Variants in PRKG1 observed in about 807,000 individuals in gnomAD.
The protein encoded by PRKG1 is cGMP-dependent protein kinase 1.
PRKG1 carries 35 observed loss-of-function variants against 88.1 expected under a neutral mutation model. The observed-to-expected ratio is 0.40, with a 90% CI of 0.30 to 0.53. The LOEUF (loss-of-function observed/expected upper bound fraction) is 0.53, where lower values mean the gene tolerates loss of function less well. PRKG1 is among the 20% of genes least tolerant of loss of function. PRKG1 has a pLI of 0.59. For synonymous variants in PRKG1, 303 were observed against 292.5 expected (o/e 1.04, Z -0.37); for missense variants, 540 against 839.8 (o/e 0.64, Z 4.41).
At chr10:51,407,113 G>A (rs1274037738) in intron 2 of PRKG1, among the ~76,000 whole-genome samples, 1 of 152,022 alleles carries the variant, frequency 6.6e-6, no homozygotes, top group African/African-American at 2.4e-5. Context: ...GGCCTCCCTT[G>A]CCCAGCCCAT....
At chr10:51,119,957 G>A (rs1172854748) in intron 1 of PRKG1, among the ~76,000 whole-genome samples, 6 of 152,202 alleles carry the variant, frequency 3.9e-5, no homozygotes, top group Non-Finnish European at 7.4e-5. Flanking sequence ...GGACATGAAA[G>A]TTTACAAATG....
At chr10:51,922,650 G>A (rs957462165) in intron 5 of PRKG1, among the ~76,000 whole-genome samples, 2 of 151,684 alleles carry the variant, frequency 1.3e-5, no homozygotes, top group African/African-American at 4.8e-5. Context: ...GTTCTTCTTT[G>A]AGCCATATGT....
rs1007028780 is a variant in PRKG1 at position 51,467,427 on chromosome 10, T to C, written c.479-296T>C. 1.1e-4 allele frequency among the ~76,000 whole-genome samples: 17 copies of C among 152,046 alleles called. 1 individual carries two copies. Among genetic ancestry groups the C allele is most frequent in the African/African-American group, 4.1e-4 (17 of 41,450 alleles). ...AAAATTACGTTAAAATTGGAATTAC[T>C]GTGGTTTACTAATAACAGATTTGGA... On this transcript the variant is annotated intron_variant, in intron 2 of 17. Coordinates refer to ENST00000373980, the MANE Select transcript of PRKG1 (RefSeq NM_006258.4).
At chr10:51,620,299 G>A (rs10998518) in intron 3 of PRKG1, among the ~76,000 whole-genome samples, 4,555 of 152,096 alleles carry the variant, frequency 0.03, 104 homozygotes, top group South Asian at 0.072. Flanking sequence ...TACCTAGAAT[G>A]GCTTTGAAGA....
intron 2 of PRKG1, among the ~76,000 whole-genome samples, chr10:51,459,639 G>A (rs1217371169): frequency 6.6e-6 from 1 of 152,102 alleles, no homozygotes; most frequent in African/African-American, 2.4e-5. Context: ...ATGTAGTGAG[G>A]TAATCCATGC....
At chr10:51,727,300 A>ATATTTT (rs1554835916) in intron 3 of PRKG1, among the ~76,000 whole-genome samples, 7 of 144,828 alleles carry the variant, frequency 4.8e-5, no homozygotes, top group African/African-American at 1.8e-4. Flanking sequence ...ATATATATAT[A>ATATTTT]TTTTTTTTAC....
intron 2 of PRKG1, among the ~76,000 whole-genome samples, chr10:51,292,853 AT>A (rs1362393851): frequency 1.3e-5 from 2 of 152,118 alleles, no homozygotes; most frequent in Admixed American, 1.3e-4. Context: ...TCTGAGACTT[AT>A]TATGGTTTAC....
intron 1 of PRKG1, among the ~76,000 whole-genome samples, chr10:51,120,729 T>G (rs73333876): frequency 0.041 from 6,261 of 152,246 alleles, 147 homozygotes; most frequent in Middle Eastern, 0.058. Context: ...ACACTACACA[T>G]GTATTAAGTG....
At chr10:52,274,570 C>T (rs1841821940) in intron 12 of PRKG1, among the ~76,000 whole-genome samples, 1 of 151,038 alleles carries the variant, frequency 6.6e-6, no homozygotes, top group Non-Finnish European at 1.5e-5. Context: ...TATATATGCC[C>T]TCATATATAT....
intron 2 of PRKG1, among the ~76,000 whole-genome samples, chr10:51,189,794 A>G (rs1462728022): frequency 6.6e-6 from 1 of 152,008 alleles, no homozygotes; most frequent in African/African-American, 2.4e-5. Flanking sequence ...ATAAATGAAT[A>G]TGCATTTAGA....
intron 5 of PRKG1, among the ~76,000 whole-genome samples, chr10:52,016,729 A>G (rs1267526221): frequency 6.6e-6 from 1 of 152,214 alleles, no homozygotes; most frequent in Admixed American, 6.5e-5. Context: ...AGTGAAAAAA[A>G]GAGAGTCCTT....
intron 8 of PRKG1, among the ~76,000 whole-genome samples, chr10:52,161,327 T>C (rs186321089): frequency 2.4e-4 from 36 of 152,214 alleles, no homozygotes; most frequent in African/African-American, 7.5e-4. Context: ...CCAAAATGAG[T>C]TAATTTTTCT....
chr10:51,130,826 C>T lies in PRKG1; in HGVS notation c.312-22338C>T, dbSNP rs192971845. 3.1e-3 allele frequency among the ~76,000 whole-genome samples: 467 copies of T among 151,908 alleles called. 1 individual carries two copies. The highest frequency in any genetic ancestry group is 0.011 in the African/African-American group (446 of 41,412). On this transcript the variant is annotated intron_variant, in intron 1 of 17. Coordinates refer to ENST00000373980, the MANE Select transcript of PRKG1 (RefSeq NM_006258.4). ...GCTGAGGCACACATTTGCTTGAACC[C>T]GGGAGGCAGAGGTTGCAGTGAGCCG... is the stretch of plus-strand genomic sequence containing the variant.
At chr10:51,555,205 CTT>C (rs909340740) in intron 3 of PRKG1, among the ~76,000 whole-genome samples, 1 of 151,872 alleles carries the variant, frequency 6.6e-6, no homozygotes, top group African/African-American at 2.4e-5. Context: ...AAAGATGACT[CTT>C]TCACTGTAAG....
chr10:51,516,438 A>G (rs1389729506), intron 3 of PRKG1, among the ~76,000 whole-genome samples: 3 of 152,118 alleles, frequency 2.0e-5, no homozygotes, highest in East Asian at 1.9e-4. Context: ...GGAAAAAAAA[A>G]AATTCAAAAA....
intron 2 of PRKG1, among the ~76,000 whole-genome samples, chr10:51,160,627 G>A (rs1846334258): frequency 6.6e-6 from 1 of 152,112 alleles, no homozygotes; most frequent in African/African-American, 2.4e-5. Context: ...TACCTATCTG[G>A]TGGATGGGAA....
At chr10:51,950,521 G>T (rs888864982) in intron 5 of PRKG1, among the ~76,000 whole-genome samples, 1 of 152,238 alleles carries the variant, frequency 6.6e-6, no homozygotes, top group Non-Finnish European at 1.5e-5. Context: ...TGCCCCTTGC[G>T]GAAGGGAGCA....
At chr10:51,171,122 T>C (rs562508459) in intron 2 of PRKG1, among the ~76,000 whole-genome samples, 6 of 152,210 alleles carry the variant, frequency 3.9e-5, no homozygotes, top group Middle Eastern at 3.4e-3. Flanking sequence ...TGCTAATGGA[T>C]TGGACTGGAA....
chr10:52,143,049 TAAA>T (rs60390252), intron 8 of PRKG1, among the ~76,000 whole-genome samples: 1 of 152,074 alleles, frequency 6.6e-6, no homozygotes. Context: ...AGTGTTATGA[TAAA>T]AAAAAATAGT....
Sources: gnomAD v4.1 joint callset for allele counts (sites outside exome capture counted in the v4.1 genomes callset) on GRCh38, gnomAD v4.1.1 for gene constraint, MANE v1.5 for transcripts, NCBI Gene and HGNC (gene_info 2026-07-23, HGNC 2026-07-21) for gene names.